MAP3K7CL: variants seen among roughly 807,000 people sequenced by gnomAD.
MAP3K7CL encodes MAP3K7 C-terminal like, also known as MAP3K7 C-terminal-like protein.
Under a neutral mutation model 18.6 loss-of-function variants are expected in MAP3K7CL, and 16 were observed. That is an observed-to-expected ratio of 0.86 (90% CI 0.58 to 1.31). The LOEUF is 1.31. Ranked by LOEUF, MAP3K7CL falls within the 50% of genes most tolerant of loss-of-function variation. The probability of loss-of-function intolerance (pLI) is 0.00; values close to 1 mark genes in which losing one functional copy is unlikely to be tolerated. For synonymous variants in MAP3K7CL, 65 were observed against 66.8 expected (o/e 0.97, Z 0.13); for missense variants, 163 against 174.4 (o/e 0.93, Z 0.37).
intron 4 of MAP3K7CL, among the ~76,000 whole-genome samples, chr21:29,118,456 G>A (rs1414752154): frequency 6.6e-6 from 1 of 151,930 alleles, no homozygotes; most frequent in Non-Finnish European, 1.5e-5. Flanking sequence ...CTGAGGCCCT[G>A]CTAAGGGCAA....
chr21:29,113,280 A>C (rs1025441775), intron 4 of MAP3K7CL, among the ~76,000 whole-genome samples: 1 of 152,106 alleles, frequency 6.6e-6, no homozygotes, highest in Admixed American at 6.6e-5. Context: ...TTATTCTATT[A>C]AATATTTTAT....
At chr21:29,147,846 C>G (rs8129515) in intron 2 of MAP3K7CL, among the ~76,000 whole-genome samples, 105,503 of 151,146 alleles carry the variant, frequency 0.7, 37,788 homozygotes, top group African/African-American at 0.85. Flanking sequence ...CTGTATATAT[C>G]TGTACTGTAT....
intron 1 of MAP3K7CL, among the ~76,000 whole-genome samples, chr21:29,131,983 G>A (rs1323017673): frequency 6.6e-6 from 1 of 152,098 alleles, no homozygotes; most frequent in African/African-American, 2.4e-5. Context: ...CTTTAAGGAT[G>A]GCTAAAGAGA....
At chr21:29,110,802 ACTT>A (rs1198903169) in intron 4 of MAP3K7CL, among the ~76,000 whole-genome samples, 2 of 152,110 alleles carry the variant, frequency 1.3e-5, no homozygotes, top group Non-Finnish European at 2.9e-5. Context: ...ATTGTGAAGA[ACTT>A]CTTTTTGTTC....
chr21:29,151,373 C>T (rs2087270395), intron 3 of MAP3K7CL, among the ~76,000 whole-genome samples: 1 of 151,996 alleles, frequency 6.6e-6, no homozygotes, highest in South Asian at 2.1e-4. Context: ...AGGAGAATCG[C>T]TTGAAACCAG....
At chr21:29,091,165 A>G (rs980042004) in intron 1 of MAP3K7CL, among the ~76,000 whole-genome samples, 1 of 152,190 alleles carries the variant, frequency 6.6e-6, no homozygotes, top group Non-Finnish European at 1.5e-5. Context: ...ATCTATATAC[A>G]TTCCTTTTTC....
At position 29,159,964 on chromosome 21, in the gene MAP3K7CL, C is replaced by A. The variant is rs529949231; in HGVS notation, c.156C>A (p.Ser52=). The A allele has an allele frequency of 5.6e-6, 9 of 1,613,774 alleles. No homozygotes were observed. The South Asian group carries it at 9.9e-5, about 18-fold the overall frequency. The change falls in exon 4 of 5, where the codon TCC becomes TCA. Residue 52 remains serine (S), a synonymous_variant. Coordinates refer to ENST00000399928, the MANE Select transcript of MAP3K7CL (RefSeq NM_001286620.2). ...AGCCCCTGCCGCCTTGTCATGACTC[C>A]GAGGAATCCATGGAGGTGTTCAAAC... The part of the protein sequence containing the change: ...QLQPLPPCHD[S]EESMEVFKQH...
chr21:29,172,050 A>T (rs2087846800), intron 4 of MAP3K7CL, among the ~76,000 whole-genome samples: 2 of 152,076 alleles, frequency 1.3e-5, no homozygotes, highest in South Asian at 4.1e-4. Context: ...CACTTCAGTA[A>T]GTATAGTCTA....
In MAP3K7CL at chr21:29,086,989, C is replaced by A. The variant is rs148821880; in HGVS notation, c.57+1072C>A. On this transcript the variant is annotated intron_variant, in intron 1 of 6. Coordinates refer to the MAP3K7CL transcript ENST00000286791. ...CTTAAAATAAAAACCAAACTCTAAA[C>A]CAGTTCCTCTAAGGAGTGGCATGAT... 7.2e-3 allele frequency among the ~76,000 whole-genome samples: 1,102 copies of A among 152,278 alleles called. 12 individuals carry two copies. Among genetic ancestry groups the A allele is most frequent in the African/African-American group, 0.025 (1,041 of 41,532 alleles).
rs1242258786 is a variant in MAP3K7CL, at chr21:29,133,385, G to T, written c.41G>T (p.Arg14Leu). ...AGGGTACCTGCTGACAAGCCTGTAC[G>T]CATCGCCTTTAGCCTCAATGACGCC... ...TARVPADKPVRIAFSLNDASD... is the reference protein window; with the variant it reads ...TARVPADKPVLIAFSLNDASD... Residue 14 changes from arginine (R) to leucine (L), a missense_variant, in exon 2 of 5, where the codon CGC (arginine) becomes CTC (leucine). By Grantham distance (102) the Arg-to-Leu change is moderately radical (BLOSUM62 -2). Transcript: ENST00000399928. 6.5e-7 allele frequency: 1 copy of T among 1,549,458 alleles called. No homozygotes were observed. The highest frequency in any genetic ancestry group is 8.7e-7 in the Non-Finnish European group (1 of 1,146,210).
At chr21:29,093,410 T>G (rs1373718999) in intron 4 of MAP3K7CL, among the ~76,000 whole-genome samples, 1 of 152,196 alleles carries the variant, frequency 6.6e-6, no homozygotes, top group Non-Finnish European at 1.5e-5. Flanking sequence ...AAATAACCCC[T>G]CCATAGCTCA....
At chr21:29,120,397 C>T (rs55824577) in intron 4 of MAP3K7CL, among the ~76,000 whole-genome samples, 29,688 of 152,112 alleles carry the variant, frequency 0.2, 3,507 homozygotes, top group East Asian at 0.4. Context: ...ACTTTATGAG[C>T]TCTGGAACTT....
At chr21:29,090,173 C>T (rs2085998481) in intron 1 of MAP3K7CL, among the ~76,000 whole-genome samples, 1 of 152,044 alleles carries the variant, frequency 6.6e-6, no homozygotes, top group South Asian at 2.1e-4. Context: ...TGCTAAGTAG[C>T]CTGCAGAGGG....
Position 29,174,727 on chromosome 21 carries a change from C to G in MAP3K7CL, c.264C>G (p.Ala88=), listed in dbSNP as rs2087924735. The stretch of plus-strand genomic sequence containing the variant: ...GAATCTTCAGGAAGGAGCTCATTGC[C>G]AAGTTAGATCAGGCAGAAAAGGAGA... ...LLEQRKKELI[A]KLDQAEKEKV... is the part of the protein sequence containing the mutation. Residue 88 remains alanine, a synonymous_variant, in exon 5 of 5, where the codon GCC becomes GCG. Transcript: ENST00000399928. 6 of 1,614,074 alleles carry G rather than the reference C, an allele frequency of 3.7e-6. No individual in the cohort carries two copies. In the East Asian group the frequency reaches 1.3e-4, roughly 36 times the overall value.
Position 29,174,970 on chromosome 21 carries a change from A to G in MAP3K7CL, c.*78A>G, listed in dbSNP as rs2087934048. On this transcript the variant is annotated 3_prime_UTR_variant, in exon 5 of 5. Transcript: ENST00000399928. ...CAAAAGATTTTTATTTTAAATGAAT[A>G]GTGAGTCAGATCTATTGCTTCTCTG... 7.3e-7 allele frequency: 1 copy of G among 1,371,542 alleles called. No individual in the cohort carries two copies. Among genetic ancestry groups the G allele is most frequent in the African/African-American group, 1.5e-5 (1 of 68,868 alleles). 85.0% of individuals were successfully genotyped at this position (1,371,542 alleles called of 1,614,324 possible).
intron 1 of MAP3K7CL, among the ~76,000 whole-genome samples, chr21:29,088,470 A>G (rs2085964424): frequency 6.6e-6 from 1 of 152,228 alleles, no homozygotes; most frequent in Non-Finnish European, 1.5e-5. Flanking sequence ...ATTCCCTTTC[A>G]TAAGCTCTCC....
At chr21:29,116,183 A>G (rs1469575990) in intron 4 of MAP3K7CL, among the ~76,000 whole-genome samples, 3 of 152,210 alleles carry the variant, frequency 2.0e-5, no homozygotes, top group Non-Finnish European at 4.4e-5. Context: ...TTCCAGTGCT[A>G]TAGCAGGCTA....
At position 29,175,059 on chromosome 21, in the gene MAP3K7CL, G is replaced by A. The variant is rs917406384; in HGVS notation, c.*167G>A. 23 of 562,740 alleles carry A rather than the reference G, an allele frequency of 4.1e-5. No homozygotes were observed. Among genetic ancestry groups the A allele is most frequent in the African/African-American group, 2.3e-4 (12 of 52,482 alleles). 34.9% of individuals were successfully genotyped at this position (562,740 alleles called of 1,614,324 possible). The stretch of plus-strand genomic sequence containing the variant: ...CTTGCCAGCTTCTAGCTTGAGAGAA[G>A]GGATATTTTAAATGAGATCATTAAC... On this transcript the variant is annotated 3_prime_UTR_variant, in exon 5 of 5. Coordinates refer to ENST00000399928, the MANE Select transcript of MAP3K7CL (RefSeq NM_001286620.2).
At chr21:29,126,941 A>G (rs1334169992), upstream of MAP3K7CL, among the ~76,000 whole-genome samples, 1 of 152,234 alleles carries the variant, frequency 6.6e-6, no homozygotes, top group Non-Finnish European at 1.5e-5. Flanking sequence ...CTTCTCAACT[A>G]TTCTCTAAAT....
Sources: allele counts gnomAD v4.1 joint callset (sites outside exome capture counted in the v4.1 genomes callset), GRCh38; gene constraint gnomAD v4.1.1; transcripts MANE v1.5; gene names NCBI Gene and HGNC (gene_info 2026-07-23, HGNC 2026-07-21).